Variants in CDK14 observed in about 807,000 individuals in gnomAD.
The protein encoded by CDK14 is cyclin-dependent kinase 14.
In CDK14, 34 loss-of-function variants were observed where a neutral mutation model predicts 60.7. That is an observed-to-expected ratio of 0.56 (90% CI 0.43 to 0.75). The LOEUF (loss-of-function observed/expected upper bound fraction) is 0.75. Ranked by LOEUF, CDK14 falls within the 30% of genes least tolerant of loss-of-function variation. CDK14 has a pLI of 0.00. For synonymous variants in CDK14, 197 were observed against 203.7 expected (o/e 0.97, Z 0.28); for missense variants, 482 against 564.1 (o/e 0.85, Z 1.47).
intron 7 of CDK14, among the ~76,000 whole-genome samples, chr7:90,913,195 T>G (rs1043222149): frequency 1.3e-5 from 2 of 152,176 alleles, no homozygotes; most frequent in Non-Finnish European, 2.9e-5. Flanking sequence ...AAATTTAAAT[T>G]AGAAAGTTAG....
chr7:90,822,868 T>C (rs1212465515), intron 5 of CDK14, among the ~76,000 whole-genome samples: 2 of 152,212 alleles, frequency 1.3e-5, no homozygotes, highest in African/African-American at 4.8e-5. Flanking sequence ...TAGGAATCTT[T>C]AATTTCTTGA....
chr7:91,120,015 T>G (rs898001874), intron 14 of CDK14, among the ~76,000 whole-genome samples: 3 of 152,236 alleles, frequency 2.0e-5, no homozygotes, highest in Non-Finnish European at 4.4e-5. Context: ...TTACAGCATA[T>G]GCTTTTTTAA....
At chr7:91,114,375 G>T (rs1799550661) in intron 13 of CDK14, among the ~76,000 whole-genome samples, 1 of 152,100 alleles carries the variant, frequency 6.6e-6, no homozygotes, top group Non-Finnish European at 1.5e-5. Flanking sequence ...GACTGCCAAG[G>T]GAGACAGCCT....
chr7:91,080,151 G>C (rs2116224417), intron 12 of CDK14, among the ~76,000 whole-genome samples: 1 of 152,194 alleles, frequency 6.6e-6, no homozygotes, highest in South Asian at 2.1e-4. Flanking sequence ...GGTTTATGCT[G>C]GATAAAAGAC....
At chr7:90,830,190 G>T (rs1170624691) in intron 5 of CDK14, among the ~76,000 whole-genome samples, 2 of 152,212 alleles carry the variant, frequency 1.3e-5, no homozygotes, top group Admixed American at 1.3e-4. Flanking sequence ...CCCTGCAGCA[G>T]ACTTCTGCCT....
At chr7:90,807,293 A>G (rs1461967005) in intron 5 of CDK14, among the ~76,000 whole-genome samples, 1 of 152,216 alleles carries the variant, frequency 6.6e-6, no homozygotes, top group Non-Finnish European at 1.5e-5. Context: ...ATCAGGCAGC[A>G]ACATTTGCTG....
intron 14 of CDK14, among the ~76,000 whole-genome samples, chr7:91,193,129 T>G (rs1802423703): frequency 6.6e-6 from 1 of 152,232 alleles, no homozygotes; most frequent in African/African-American, 2.4e-5. Flanking sequence ...CATTTAACTT[T>G]CTTGGAAGGT....
At chr7:91,190,843 C>G (rs563562661) in intron 14 of CDK14, among the ~76,000 whole-genome samples, 1 of 152,210 alleles carries the variant, frequency 6.6e-6, no homozygotes, top group Admixed American at 6.5e-5. Context: ...GGGAAGATAA[C>G]AAGTCTGGGG....
chr7:90,919,957 A>T (rs1001777154), intron 8 of CDK14, among the ~76,000 whole-genome samples: 1 of 152,276 alleles, frequency 6.6e-6, no homozygotes, highest in African/African-American at 2.4e-5. Flanking sequence ...CCTCAGAGGC[A>T]TGGACTGAAT....
intron 10 of CDK14, among the ~76,000 whole-genome samples, chr7:91,025,656 G>C (rs1796548647): frequency 6.6e-6 from 1 of 152,162 alleles, no homozygotes; most frequent in African/African-American, 2.4e-5. Flanking sequence ...CTCTGTTTGG[G>C]CATTACAGTG....
chr7:91,048,124 G>A (rs939418549), intron 11 of CDK14, among the ~76,000 whole-genome samples: 2 of 152,106 alleles, frequency 1.3e-5, no homozygotes, highest in Non-Finnish European at 2.9e-5. Flanking sequence ...ATAGGAACAA[G>A]GAGCGTAGTG....
intron 8 of CDK14, among the ~76,000 whole-genome samples, chr7:90,950,335 G>A (rs1794219938): frequency 1.3e-5 from 2 of 152,094 alleles, no homozygotes; most frequent in Non-Finnish European, 2.9e-5. Flanking sequence ...GCTTCCCAAA[G>A]TGCAGGGATT....
intron 10 of CDK14, among the ~76,000 whole-genome samples, chr7:91,015,242 CT>C (rs1305852625): frequency 6.6e-6 from 1 of 152,020 alleles, no homozygotes; most frequent in African/African-American, 2.4e-5. Flanking sequence ...TCTTATTTTT[CT>C]TTCCTTGAGC....
intron 5 of CDK14, among the ~76,000 whole-genome samples, chr7:90,833,882 TA>T (rs1417535338): frequency 6.6e-6 from 1 of 152,238 alleles, no homozygotes; most frequent in African/African-American, 2.4e-5. Flanking sequence ...ATACCTTTTA[TA>T]AATTGGCTTG....
At chr7:91,182,146 C>T (rs933293580) in intron 14 of CDK14, among the ~76,000 whole-genome samples, 13 of 152,130 alleles carry the variant, frequency 8.5e-5, no homozygotes, top group Non-Finnish European at 1.6e-4. Flanking sequence ...CTGCTTTATC[C>T]CACACTGCAC....
chr7:91,137,616 G>GCA (rs57544816), intron 14 of CDK14, among the ~76,000 whole-genome samples: 3 of 151,752 alleles, frequency 2.0e-5, no homozygotes, highest in African/African-American at 7.3e-5. Context: ...CATGCACTGT[G>GCA]CACACACACA....
chr7:90,899,588 G>T (rs1332037613), intron 7 of CDK14, among the ~76,000 whole-genome samples: 1 of 151,922 alleles, frequency 6.6e-6, no homozygotes, highest in Non-Finnish European at 1.5e-5. Context: ...TTTCTTGCTG[G>T]AGAAACATTT....
chr7:90,973,499 A>G (rs1258925718), intron 9 of CDK14, among the ~76,000 whole-genome samples: 1 of 152,178 alleles, frequency 6.6e-6, no homozygotes, highest in Non-Finnish European at 1.5e-5. Flanking sequence ...ACCATATTTT[A>G]AAATATTAGA....
chr7:90,622,394 G>A (rs888470266), intron 2 of CDK14, among the ~76,000 whole-genome samples: 3 of 152,172 alleles, frequency 2.0e-5, no homozygotes, highest in Non-Finnish European at 4.4e-5. Context: ...GAGCTTATGA[G>A]TTTTCTGTAC....
Sources: allele counts gnomAD v4.1 joint callset (sites outside exome capture counted in the v4.1 genomes callset), GRCh38; gene constraint gnomAD v4.1.1; transcripts MANE v1.5; gene names NCBI Gene and HGNC (gene_info 2026-07-23, HGNC 2026-07-21).